IFT81: variants seen among roughly 807,000 people sequenced by gnomAD.
IFT81 encodes the protein intraflagellar transport protein 81 homolog.
Under a neutral mutation model 102.6 loss-of-function variants are expected in IFT81, and 72 were observed. The observed-to-expected ratio is 0.70, with a 90% CI of 0.58 to 0.85. IFT81 has a LOEUF of 0.85. Ranked by LOEUF, IFT81 falls within the 40% of genes least tolerant of loss-of-function variation. IFT81 has a pLI of 0.00. For synonymous variants in IFT81, 237 were observed against 242.7 expected (o/e 0.98, Z 0.22); for missense variants, 723 against 787.3 (o/e 0.92, Z 0.98).
At chr12:110,151,888 T>C (rs986752555) in intron 10 of IFT81, among the ~76,000 whole-genome samples, 2 of 152,164 alleles carry the variant, frequency 1.3e-5, no homozygotes, top group Non-Finnish European at 2.9e-5. Flanking sequence ...ATTCCACATG[T>C]GAGTGAGATC....
chr12:110,191,124 G>A, intron 13 of IFT81, 76 bp downstream of exon 13: 1 of 1,255,078 alleles, frequency 8.0e-7, no homozygotes, highest in African/African-American at 1.5e-5. Context: ...TTTATTTTCA[G>A]TGAAACATTC....
At chr12:110,187,335 C>G (rs774581566) in intron 12 of IFT81, among the ~76,000 whole-genome samples, 4 of 152,150 alleles carry the variant, frequency 2.6e-5, no homozygotes, top group Non-Finnish European at 5.9e-5. Flanking sequence ...GTGATCTTGG[C>G]TCACTGCAGC....
chr12:110,194,843 C>G (rs1309275576), intron 14 of IFT81, among the ~76,000 whole-genome samples: 2 of 152,160 alleles, frequency 1.3e-5, no homozygotes, highest in African/African-American at 2.4e-5. Context: ...CTCCACACTT[C>G]TGTTCTACTT....
intron 14 of IFT81, among the ~76,000 whole-genome samples, chr12:110,202,250 G>GTT (rs1898320748): frequency 6.6e-6 from 1 of 152,126 alleles, no homozygotes; most frequent in African/African-American, 2.4e-5. Flanking sequence ...CATATATGTG[G>GTT]TCCGTTGTGA....
At chr12:110,150,834 A>G (rs1895486467) in intron 10 of IFT81, among the ~76,000 whole-genome samples, 1 of 152,032 alleles carries the variant, frequency 6.6e-6, no homozygotes, top group African/African-American at 2.4e-5. Context: ...TATTTTTTAA[A>G]TTTCACACTT....
At chr12:110,196,573 A>T (rs193180581) in intron 14 of IFT81, among the ~76,000 whole-genome samples, 4 of 152,268 alleles carry the variant, frequency 2.6e-5, no homozygotes, top group Admixed American at 2.6e-4. Flanking sequence ...AAACCAGCCC[A>T]GGGTAATAGC....
chr12:110,145,051 T>TA (rs61512196), intron 9 of IFT81, among the ~76,000 whole-genome samples: 6 of 147,058 alleles, frequency 4.1e-5, no homozygotes, highest in African/African-American at 1.5e-4. Flanking sequence ...TTTTTTTTTT[T>TA]ACACGGAGTC....
At chr12:110,209,495 G>A (rs1251772842) in intron 18 of IFT81, among the ~76,000 whole-genome samples, 6 of 152,158 alleles carry the variant, frequency 3.9e-5, no homozygotes, top group African/African-American at 1.4e-4. Flanking sequence ...CAGGCTGGGC[G>A]CGGTGGCTCA....
chr12:110,202,017 A>G (rs760860498), intron 14 of IFT81, among the ~76,000 whole-genome samples: 1 of 152,256 alleles, frequency 6.6e-6, no homozygotes, highest in Non-Finnish European at 1.5e-5. Context: ...AATATAGCAT[A>G]GTAAATACAT....
chr12:110,214,282 TTG>T (rs966245408), intron 18 of IFT81, among the ~76,000 whole-genome samples: 3 of 152,186 alleles, frequency 2.0e-5, no homozygotes, highest in African/African-American at 7.2e-5. Context: ...TTTTTTTTTT[TTG>T]AGATAGAGAC....
At chr12:110,190,630 T>A (rs1327286381) in intron 12 of IFT81, among the ~76,000 whole-genome samples, 1 of 152,134 alleles carries the variant, frequency 6.6e-6, no homozygotes, top group Admixed American at 6.5e-5. Context: ...TTTCATCAAA[T>A]GTTTATTGAA....
At chr12:110,125,305 G>T (rs1566095518) in intron 1 of IFT81, among the ~76,000 whole-genome samples, 1 of 152,062 alleles carries the variant, frequency 6.6e-6, no homozygotes, top group Non-Finnish European at 1.5e-5. Context: ...AGCCATGGTG[G>T]TTATCCTTCC....
chr12:110,203,819 A>T, intron 14 of IFT81, 45 bp from the exon 15 acceptor site: 1 of 1,271,576 alleles, frequency 7.9e-7, no homozygotes. Flanking sequence ...CATGTTTGGG[A>T]CCTTTGTTTT....
intron 14 of IFT81, among the ~76,000 whole-genome samples, chr12:110,196,969 G>GT (rs1898028143): frequency 6.6e-6 from 1 of 152,138 alleles, no homozygotes; most frequent in Non-Finnish European, 1.5e-5. Flanking sequence ...GGGAGGCTGA[G>GT]TTAGGAGACT....
rs1206095883 is a variant in IFT81, at chr12:110,216,704, T to C, written c.1849-1340T>C. 3 of 423,738 alleles carry C rather than the reference T, an allele frequency of 7.1e-6. No individual in the cohort carries two copies. The East Asian group carries it at 2.1e-4, about 30-fold the overall frequency. The allele number at this position is 423,738 out of a possible 1,614,324, so 26.2% of individuals were successfully genotyped here. ...TTTTGTATTTCATATTTTTGTATTT[T>C]TAGTACAGATGGGATTTCACCATGT... On this transcript the variant is annotated intron_variant, in intron 18 of 18. Coordinates refer to ENST00000242591, the MANE Select transcript of IFT81 (RefSeq NM_014055.4).
chr12:110,166,246 T>A (rs985368441), intron 11 of IFT81, among the ~76,000 whole-genome samples: 2 of 152,230 alleles, frequency 1.3e-5, no homozygotes, highest in Non-Finnish European at 2.9e-5. Context: ...AGAAATATAG[T>A]TCACAGCTTA....
chr12:110,172,358 T>C (rs112961098), intron 11 of IFT81, among the ~76,000 whole-genome samples: 1,589 of 151,468 alleles, frequency 0.01, 4 homozygotes, highest in African/African-American at 0.014. Flanking sequence ...CCTCTCCCCA[T>C]GGTCTCCCTC....
chr12:110,142,668 C>T (rs1894965923), intron 8 of IFT81, among the ~76,000 whole-genome samples: 1 of 151,868 alleles, frequency 6.6e-6, no homozygotes, highest in Non-Finnish European at 1.5e-5. Flanking sequence ...AGGCAGGTGA[C>T]TGCTCAAGCC....
intron 12 of IFT81, among the ~76,000 whole-genome samples, chr12:110,189,549 A>T (rs938593756): frequency 2.0e-5 from 3 of 152,002 alleles, no homozygotes; most frequent in Non-Finnish European, 4.4e-5. Context: ...AGGTTTCGCC[A>T]TGTTGGCCAG....
Sources: allele counts gnomAD v4.1 joint callset (sites outside exome capture counted in the v4.1 genomes callset), GRCh38; gene constraint gnomAD v4.1.1; transcripts MANE v1.5; gene names NCBI Gene and HGNC (gene_info 2026-07-23, HGNC 2026-07-21).